The following MLANA variants were observed in gnomAD, a reference collection of about 807,000 sequenced individuals.
MLANA encodes melanoma antigen recognized by T-cells 1.
MLANA carries 21 observed loss-of-function variants against 15.7 expected under a neutral mutation model. The observed-to-expected ratio is 1.33, with a 90% CI of 0.95 to 1.92. The LOEUF (loss-of-function observed/expected upper bound fraction) is 1.92, where lower values mean the gene tolerates loss of function less well. Ranked by LOEUF, MLANA falls within the 40% of genes most tolerant of loss-of-function variation. MLANA has a pLI of 0.00. For synonymous variants in MLANA, 56 were observed against 51.5 expected (o/e 1.09, Z -0.37); for missense variants, 164 against 143.8 (o/e 1.14, Z -0.72).
chr9:5,897,593 A>T lies in MLANA; in HGVS notation c.114A>T (p.Gly38=), dbSNP rs1470958792. ...TCGGCATCCTGACAGTGATCCTGGGAGTCTTACTGCTCATCGGCTGTTGGT... is the reference window on the plus strand; with the variant it reads ...TCGGCATCCTGACAGTGATCCTGGGTGTCTTACTGCTCATCGGCTGTTGGT... The part of the protein sequence containing the change: ...AGIGILTVIL[G]VLLLIGCWYC... Residue 38 remains glycine, a synonymous_variant, in exon 3 of 5, where the codon GGA becomes GGT. Coordinates refer to ENST00000381477, the MANE Select transcript of MLANA (RefSeq NM_005511.2). 1.2e-6 allele frequency: 2 copies of T among 1,614,036 alleles called. No individual in the cohort carries two copies. Among genetic ancestry groups the T allele is most frequent in the Non-Finnish European group, 1.7e-6 (2 of 1,179,968 alleles).
In MLANA at chr9:5,906,918, T is replaced by C. The variant is rs1586965612; in HGVS notation, c.208T>C (p.Leu70=). Residue 70 remains leucine, a synonymous_variant, in exon 4 of 5, where the codon TTA becomes CTA. Coordinates refer to ENST00000381477, the MANE Select transcript of MLANA (RefSeq NM_005511.2). The stretch of plus-strand genomic sequence containing the variant: ...TCTTCATGTTGGCACTCAATGTGCC[T>C]TAACAAGAAGATGCCCACAAGAAGG... ...KSLHVGTQCA[L]TRRCPQEGFD... is the part of the protein sequence containing the mutation. 1 of 1,595,814 alleles carries C rather than the reference T, an allele frequency of 6.3e-7. No individual in the cohort carries two copies. The highest frequency in any genetic ancestry group is 1.1e-5 in the South Asian group (1 of 88,296).
At position 5,906,931 on chromosome 9, in the gene MLANA, GC is replaced by G; in HGVS notation, c.224del (p.Pro75HisfsTer51). The G allele has an allele frequency of 6.3e-7, 1 of 1,596,298 alleles. No homozygotes were observed. Among genetic ancestry groups the G allele is most frequent in the Non-Finnish European group, 8.5e-7 (1 of 1,173,112 alleles). On this transcript the variant is annotated frameshift_variant, in exon 4 of 5. Transcript: ENST00000381477. LOFTEE classifies it high-confidence loss of function. ...VGTQCALTRR[C>X]PQEGFDHRDS... ...ACTCAATGTGCCTTAACAAGAAGAT[GC>G]CCACAAGAAGGGTTTGATCATCGGG...
intron 3 of MLANA, among the ~76,000 whole-genome samples, chr9:5,905,753 T>A (rs1053822391): frequency 9.2e-5 from 14 of 152,234 alleles, no homozygotes; most frequent in Admixed American, 1.3e-4. Flanking sequence ...ACCTTCCGTG[T>A]ATTGATTTAT....
chr9:5,898,405 C>G (rs1832180842), intron 3 of MLANA, among the ~76,000 whole-genome samples: 1 of 152,170 alleles, frequency 6.6e-6, no homozygotes, highest in Non-Finnish European at 1.5e-5. Context: ...CCTGCAATAA[C>G]AACATTAATC....
In MLANA at chr9:5,897,654, G is replaced by A. The variant is rs753159092; in HGVS notation, c.174+1G>A. The A allele has an allele frequency of 1.2e-6, 2 of 1,612,800 alleles. No individual in the cohort carries two copies. The highest frequency in any genetic ancestry group is 1.1e-5 in the South Asian group (1 of 91,050). On this transcript the variant is annotated splice_donor_variant, in intron 3 of 4. Transcript: ENST00000381477. LOFTEE classifies it high-confidence loss of function. ...ACGAAATGGATACAGAGCCTTGATG[G>A]TTGGTAAAGTTCCCACTGCTGAAAT...
At chr9:5,907,349 T>C (rs1204240010) in intron 4 of MLANA, among the ~76,000 whole-genome samples, 1 of 152,166 alleles carries the variant, frequency 6.6e-6, no homozygotes, top group African/African-American at 2.4e-5. Context: ...TTTTAATGGA[T>C]GCAGATATAT....
At chr9:5,901,691 T>G (rs1832439693) in intron 3 of MLANA, among the ~76,000 whole-genome samples, 1 of 151,974 alleles carries the variant, frequency 6.6e-6, no homozygotes, top group Non-Finnish European at 1.5e-5. Context: ...GCTAAATTTT[T>G]TTGTATTTTC....
intron 3 of MLANA, among the ~76,000 whole-genome samples, chr9:5,905,256 G>C (rs1428115268): frequency 1.3e-5 from 2 of 152,004 alleles, no homozygotes; most frequent in Non-Finnish European, 2.9e-5. Context: ...CCAAACAACT[G>C]AATGGACCCC....
At chr9:5,904,292 T>C (rs908494096) in intron 3 of MLANA, among the ~76,000 whole-genome samples, 14 of 152,362 alleles carry the variant, frequency 9.2e-5, no homozygotes, top group South Asian at 4.1e-4. Context: ...ATTTAGACCA[T>C]TGATATTCAA....
intron 3 of MLANA, among the ~76,000 whole-genome samples, chr9:5,904,059 T>C (rs1563819136): frequency 1.3e-5 from 2 of 152,198 alleles, no homozygotes; most frequent in Non-Finnish European, 2.9e-5. Flanking sequence ...GGTTTCACCA[T>C]GTTGCCCAGG....
At chr9:5,901,166 C>A (rs1832395765) in intron 3 of MLANA, among the ~76,000 whole-genome samples, 1 of 151,964 alleles carries the variant, frequency 6.6e-6, no homozygotes, top group Non-Finnish European at 1.5e-5. Context: ...TGGTAATTGA[C>A]AAGGGCAGTT....
intron 4 of MLANA, 150 bp from the exon 5 acceptor site, chr9:5,908,490 A>T (rs752520451): frequency 2.0e-5 from 14 of 705,282 alleles, no homozygotes; most frequent in Non-Finnish European, 2.9e-5. Flanking sequence ...AAATTTAACA[A>T]TTACTTCACT....
At chr9:5,895,626 G>C (rs1002760594) in intron 2 of MLANA, among the ~76,000 whole-genome samples, 2 of 152,170 alleles carry the variant, frequency 1.3e-5, no homozygotes, top group African/African-American at 4.8e-5. Context: ...ACAGTTGGGT[G>C]GACACAAGTC....
rs576307172 is a variant in MLANA at position 5,898,523 on chromosome 9, C to T, written c.174+870C>T. Among the ~76,000 whole-genome samples the T allele has an allele frequency of 1.1e-4, 17 of 152,288 alleles. No homozygotes were observed. In the South Asian group the frequency reaches 3.5e-3, roughly 32 times the overall value. On this transcript the variant is annotated intron_variant, in intron 3 of 4. Transcript: ENST00000381477. ...TCCAATACACGAATTTTGGGGGACACATTCAAACTATAGCACCTGTCTCTT... is the reference window on the plus strand; with the variant it reads ...TCCAATACACGAATTTTGGGGGACATATTCAAACTATAGCACCTGTCTCTT...
At chr9:5,908,251 T>C (rs1005346518) in intron 4 of MLANA, among the ~76,000 whole-genome samples, 1 of 152,198 alleles carries the variant, frequency 6.6e-6, no homozygotes, top group African/African-American at 2.4e-5. Context: ...ATCCTCTTGT[T>C]TTATATTTGG....
chr9:5,903,548 T>C (rs996727877), intron 3 of MLANA, among the ~76,000 whole-genome samples: 6 of 152,222 alleles, frequency 3.9e-5, no homozygotes, highest in Admixed American at 2.6e-4. Flanking sequence ...ACTGATTTTT[T>C]ACCTGCTGGC....
rs1406653913 is a variant in MLANA, at chr9:5,897,586, T to A, written c.107T>A (p.Ile36Asn). ...EAAGIGILTV[I>N]LGVLLLIGCW... ...GCTGGGATCGGCATCCTGACAGTGATCCTGGGAGTCTTACTGCTCATCGGC... is the reference window on the plus strand; with the variant it reads ...GCTGGGATCGGCATCCTGACAGTGAACCTGGGAGTCTTACTGCTCATCGGC... Residue 36 changes from isoleucine (I) to asparagine (N), a missense_variant, in exon 3 of 5, where the codon ATC becomes AAC. Coordinates refer to ENST00000381477, the MANE Select transcript of MLANA (RefSeq NM_005511.2). 5.6e-6 allele frequency: 9 copies of A among 1,614,054 alleles called. No individual in the cohort carries two copies. Among genetic ancestry groups the A allele is most frequent in the Non-Finnish European group, 7.6e-6 (9 of 1,179,976 alleles).
At chr9:5,893,200 G>A (rs970572068) in intron 2 of MLANA, among the ~76,000 whole-genome samples, 1 of 152,170 alleles carries the variant, frequency 6.6e-6, no homozygotes, top group African/African-American at 2.4e-5. Context: ...ATTAATTTCA[G>A]CAAATGTAAG....
rs1831857010 is a variant in MLANA at position 5,894,218 on chromosome 9, A to G, written c.77+1667A>G. On this transcript the variant is annotated intron_variant, in intron 2 of 4. Transcript: ENST00000381477. This position sits in a 1 kb window ranked among gnomAD's most constrained non-coding sequence, Gnocchi z 4.0. ...TTGTCCTTTGCCATGTAGGGCCATC[A>G]TGCCCAGCTGGGGAACCTCATAGCC... Among the ~76,000 whole-genome samples the G allele has an allele frequency of 6.6e-6, 1 of 152,166 alleles. No individual in the cohort carries two copies. Among genetic ancestry groups the G allele is most frequent in the African/African-American group, 2.4e-5 (1 of 41,446 alleles).
Sources: allele counts gnomAD v4.1 joint callset (sites outside exome capture counted in the v4.1 genomes callset), GRCh38; gene constraint gnomAD v4.1.1; non-coding constraint Gnocchi (gnomAD v3.1); transcripts MANE v1.5; gene names NCBI Gene and HGNC (gene_info 2026-07-23, HGNC 2026-07-21).